Variants in LPP observed in about 807,000 individuals in gnomAD.
LPP encodes the protein lipoma-preferred partner.
LPP carries 38 observed loss-of-function variants against 60.4 expected under a neutral mutation model. That is an observed-to-expected ratio of 0.63 (90% CI 0.49 to 0.83). The LOEUF (loss-of-function observed/expected upper bound fraction) is 0.83. Among genes scored for constraint, LPP ranks in the 40% least tolerant of loss-of-function variants. The pLI, the probability that LPP is intolerant of heterozygous loss-of-function variation, is 0.00. For synonymous variants in LPP, 328 were observed against 290.8 expected (o/e 1.13, Z -1.30); for missense variants, 902 against 783.6 (o/e 1.15, Z -1.80).
chr3:188,384,535 T>C (rs893357169), intron 3 of LPP, among the ~76,000 whole-genome samples: 1 of 152,104 alleles, frequency 6.6e-6, no homozygotes, highest in Non-Finnish European at 1.5e-5. Context: ...CTCACGCCTG[T>C]AATCCCAGCA....
At chr3:188,488,139 C>T (rs1446764921) in intron 5 of LPP, among the ~76,000 whole-genome samples, 1 of 151,648 alleles carries the variant, frequency 6.6e-6, no homozygotes, top group Admixed American at 6.6e-5. Flanking sequence ...GACCTTCTTC[C>T]TGCTGTCCCA....
intron 4 of LPP, among the ~76,000 whole-genome samples, chr3:188,467,922 G>A (rs1257660643): frequency 6.6e-6 from 1 of 152,112 alleles, no homozygotes; most frequent in East Asian, 1.9e-4. Context: ...ATATATTTCT[G>A]TTCTTCTAAA....
intron 9 of LPP, among the ~76,000 whole-genome samples, chr3:188,767,970 T>A (rs1734681677): frequency 1.3e-5 from 2 of 151,958 alleles, no homozygotes; most frequent in Admixed American, 1.3e-4. Flanking sequence ...AGCAGTGAAA[T>A]AAACATTTGG....
chr3:188,168,852 A>C (rs1485341174), intron 1 of LPP, among the ~76,000 whole-genome samples: 3 of 152,226 alleles, frequency 2.0e-5, no homozygotes, highest in Non-Finnish European at 2.9e-5. Flanking sequence ...TAAGTTAATC[A>C]CCACAGTTGG....
At chr3:188,460,368 G>C (rs13082793) in intron 4 of LPP, among the ~76,000 whole-genome samples, 70,150 of 151,950 alleles carry the variant, frequency 0.46, 16,669 homozygotes, top group African/African-American at 0.57. Flanking sequence ...CGTATTCTCT[G>C]TGCTTTGGCC....
At chr3:188,761,977 G>T (rs1192917833) in intron 9 of LPP, among the ~76,000 whole-genome samples, 2 of 150,906 alleles carry the variant, frequency 1.3e-5, no homozygotes, top group African/African-American at 4.9e-5. Context: ...GGCACCCAGG[G>T]TTGTCCTTAC....
intron 9 of LPP, among the ~76,000 whole-genome samples, chr3:188,766,936 C>A (rs2150595179): frequency 6.6e-6 from 1 of 152,220 alleles, no homozygotes; most frequent in Admixed American, 6.5e-5. Flanking sequence ...TGAGATCATA[C>A]CTTAACTATT....
intron 2 of LPP, among the ~76,000 whole-genome samples, chr3:188,295,813 C>T (rs1241068483): frequency 2.0e-5 from 3 of 152,170 alleles, no homozygotes; most frequent in Non-Finnish European, 4.4e-5. Context: ...AGATATGAGC[C>T]CCGTGCCCAG....
intron 3 of LPP, among the ~76,000 whole-genome samples, chr3:188,368,572 C>T (rs575794722): frequency 3.9e-4 from 60 of 151,982 alleles, no homozygotes; most frequent in African/African-American, 6.8e-4. Flanking sequence ...CTCTTACTTA[C>T]CTGTCATTTA....
chr3:188,334,928 G>T (rs1200899955), intron 2 of LPP, among the ~76,000 whole-genome samples: 1 of 152,020 alleles, frequency 6.6e-6, no homozygotes, highest in Non-Finnish European at 1.5e-5. Context: ...TTCTGTATAT[G>T]GATGTCCAGT....
intron 9 of LPP, among the ~76,000 whole-genome samples, chr3:188,818,708 C>A (rs73888920): frequency 0.019 from 2,828 of 152,222 alleles, 84 homozygotes; most frequent in African/African-American, 0.063. Context: ...AACAGTGTAG[C>A]CTTGGGCAAA....
At chr3:188,622,035 G>A (rs1845898592) in intron 7 of LPP, among the ~76,000 whole-genome samples, 1 of 152,154 alleles carries the variant, frequency 6.6e-6, no homozygotes, top group African/African-American at 2.4e-5. Flanking sequence ...AAAGATGAAA[G>A]TTTTGTCTAT....
chr3:188,565,576 A>G (rs79526685), intron 6 of LPP, among the ~76,000 whole-genome samples: 4,097 of 152,082 alleles, frequency 0.027, 178 homozygotes, highest in African/African-American at 0.09. Flanking sequence ...GACTTTGATA[A>G]CTTTCAAGAA....
At chr3:188,779,657 T>A (rs987587983) in intron 9 of LPP, among the ~76,000 whole-genome samples, 11 of 152,146 alleles carry the variant, frequency 7.2e-5, no homozygotes, top group Admixed American at 2.0e-4. Context: ...CCATTTTTTT[T>A]AAATAAGTGT....
intron 8 of LPP, among the ~76,000 whole-genome samples, chr3:188,714,404 G>C (rs1712917367): frequency 6.6e-6 from 1 of 152,134 alleles, no homozygotes; most frequent in Non-Finnish European, 1.5e-5. Flanking sequence ...CTGTGACATG[G>C]CTGAGGTACA....
At chr3:188,710,411 C>A (rs901508630) in intron 8 of LPP, 5 of 152,156 alleles carry the variant, frequency 3.3e-5, no homozygotes, top group African/African-American at 9.7e-5. Context: ...ACGGTTGGGG[C>A]AAATGTTCTC....
upstream of LPP, chr3:188,153,629 C>T (rs1438465446): frequency 6.6e-6 from 1 of 152,428 alleles, no homozygotes; most frequent in African/African-American, 2.4e-5. Flanking sequence ...CCCGCGTCTC[C>T]TCCTCTTCCT....
At position 188,349,406 on chromosome 3, in the gene LPP, C is replaced by G. The variant is rs146671384; in HGVS notation, c.-10+7687C>G. The stretch of plus-strand genomic sequence containing the variant: ...AGCATATTGGTGAATGGACAAATTA[C>G]AGTGGTGCCAATATGCCTTTGCTGT... On this transcript the variant is annotated intron_variant, in intron 3 of 11. Transcript: ENST00000617246. Among the ~76,000 whole-genome samples the G allele has an allele frequency of 7.9e-4, 120 of 152,302 alleles. 1 individual carries two copies. The highest frequency in any genetic ancestry group is 1.2e-3 in the South Asian group (6 of 4,824).
At chr3:188,498,783 C>T (rs140420904) in intron 5 of LPP, among the ~76,000 whole-genome samples, 240 of 152,244 alleles carry the variant, frequency 1.6e-3, no homozygotes, top group Non-Finnish European at 2.4e-3. Context: ...CAACAGCACA[C>T]GAGTTCTGAT....
Sources: allele counts gnomAD v4.1 joint callset (sites outside exome capture counted in the v4.1 genomes callset), GRCh38; gene constraint gnomAD v4.1.1; transcripts MANE v1.5; gene names NCBI Gene and HGNC (gene_info 2026-07-23, HGNC 2026-07-21).